Variants in NSUN6 observed in about 807,000 individuals in gnomAD.
The protein encoded by NSUN6 is NOP2/Sun RNA methyltransferase 6, also known as tRNA (cytosine(72)-C(5))-methyltransferase NSUN6.
Under a neutral mutation model 58.0 loss-of-function variants are expected in NSUN6, and 64 were observed. The observed-to-expected ratio is 1.10, with a 90% CI of 0.90 to 1.36. The LOEUF is 1.36. Among genes scored for constraint, NSUN6 ranks in the 40% most tolerant of loss-of-function variants. NSUN6 has a pLI of 0.00. For synonymous variants in NSUN6, 231 were observed against 193.9 expected (o/e 1.19, Z -1.59); for missense variants, 701 against 550.1 (o/e 1.27, Z -2.74).
chr10:18,546,090 A>C lies in NSUN6; in HGVS notation c.1253T>G (p.Leu418Trp). Reference protein sequence around the residue: ...MRGAGLSCEQLKQLQRFDPSA... With the variant: ...MRGAGLSCEQWKQLQRFDPSA... Reference sequence around the variant, plus strand: ...TGGATCAAATCGCTGCAGCTGTTTCAACTGTTCACATGAGAGCCCAGCTCC... The same window carrying C: ...TGGATCAAATCGCTGCAGCTGTTTCCACTGTTCACATGAGAGCCCAGCTCC... The change falls in exon 11 of 11, where the codon TTG becomes TGG. Residue 418 changes from leucine (L) to tryptophan (W), a missense_variant. By Grantham distance (61) the Leu-to-Trp change is moderately conservative (BLOSUM62 -2). Coordinates refer to ENST00000377304, the MANE Select transcript of NSUN6 (RefSeq NM_182543.5). 1.2e-6 allele frequency: 2 copies of C among 1,611,892 alleles called. No homozygotes were observed. Among genetic ancestry groups the C allele is most frequent in the Non-Finnish European group, 1.7e-6 (2 of 1,179,220 alleles).
chr10:18,563,743 C>A (rs116190430), intron 8 of NSUN6, among the ~76,000 whole-genome samples: 2,862 of 150,582 alleles, frequency 0.019, 81 homozygotes, highest in African/African-American at 0.064. Flanking sequence ...CATTCCATTC[C>A]ATTCTCCATA....
chr10:18,608,278 T>C lies in NSUN6; in HGVS notation c.657+1567A>G, dbSNP rs569397339. Among the ~76,000 whole-genome samples the C allele has an allele frequency of 3.3e-5, 5 of 152,066 alleles. No homozygotes were observed. In the East Asian group the frequency reaches 9.7e-4, roughly 30 times the overall value. ...ATTTTAAGGTGAAGGAGTGCAGCTATAGATAGCAAAAAAGTGTAAAAAGAA... is the reference window on the plus strand; with the variant it reads ...ATTTTAAGGTGAAGGAGTGCAGCTACAGATAGCAAAAAAGTGTAAAAAGAA... On this transcript the variant is annotated intron_variant, in intron 6 of 10. Coordinates refer to ENST00000377304, the MANE Select transcript of NSUN6 (RefSeq NM_182543.5).
upstream of NSUN6, among the ~76,000 whole-genome samples, chr10:18,657,837 C>G (rs2059794272): frequency 1.3e-5 from 2 of 152,232 alleles, no homozygotes; most frequent in East Asian, 1.9e-4. Flanking sequence ...TGGTCTCCAT[C>G]TCTTGACTTC....
chr10:18,637,545 T>C (rs1306400177), intron 3 of NSUN6, among the ~76,000 whole-genome samples: 2 of 152,230 alleles, frequency 1.3e-5, no homozygotes, highest in African/African-American at 4.8e-5. Flanking sequence ...TGAAACAAAC[T>C]GGTAAAACTT....
At chr10:18,651,664 A>G (rs948523955), upstream of NSUN6, 21 of 984,332 alleles carry the variant, frequency 2.1e-5, no homozygotes, top group Non-Finnish European at 2.3e-5. Flanking sequence ...CCTGCGGCCC[A>G]CCCCTCCCTT....
chr10:18,570,002 C>T (rs1156538569), intron 8 of NSUN6, among the ~76,000 whole-genome samples: 1 of 149,940 alleles, frequency 6.7e-6, no homozygotes, highest in Non-Finnish European at 1.5e-5. Context: ...CCATTCCATT[C>T]TCCATTGCAT....
At chr10:18,573,019 TATTCCATTCTTC>T (rs1222360436) in intron 8 of NSUN6, among the ~76,000 whole-genome samples, 21 of 147,502 alleles carry the variant, frequency 1.4e-4, no homozygotes, top group Non-Finnish European at 3.2e-4. Context: ...TTCTCCACTG[TATTCCATTCTTC>T]ATTCCATTCC....
intron 4 of NSUN6, among the ~76,000 whole-genome samples, chr10:18,615,916 T>C (rs1403655654): frequency 3.9e-5 from 6 of 152,090 alleles, no homozygotes; most frequent in Non-Finnish European, 7.4e-5. Context: ...CAGAAGTTCA[T>C]TGACGTACTC....
chr10:18,643,163 G>A (rs944016456), intron 2 of NSUN6, among the ~76,000 whole-genome samples: 1 of 151,742 alleles, frequency 6.6e-6, no homozygotes, highest in Non-Finnish European at 1.5e-5. Flanking sequence ...AACATGGTGA[G>A]TATTTATACC....
rs1260631034 is a variant in NSUN6 at position 18,548,252 on chromosome 10, G to C, written c.1072-15C>G. The C allele has an allele frequency of 1.9e-6, 3 of 1,609,200 alleles. No homozygotes were observed. In the African/African-American group the frequency reaches 4.0e-5, roughly 21 times the overall value. On this transcript the variant is annotated splice_polypyrimidine_tract_variant and intron_variant, in intron 9 of 10. Coordinates refer to ENST00000377304, the MANE Select transcript of NSUN6 (RefSeq NM_182543.5). The stretch of plus-strand genomic sequence containing the variant: ...AGCTGAACCGCCTAAAGAAAACTGT[G>C]ATCAGACCACACACAGCACAAGACC...
At chr10:18,565,933 C>T (rs2055896398) in intron 8 of NSUN6, among the ~76,000 whole-genome samples, 1 of 149,066 alleles carries the variant, frequency 6.7e-6, no homozygotes, top group African/African-American at 2.5e-5. Flanking sequence ...ATTCCATTCT[C>T]CCTCCCATTC....
chr10:18,596,549 A>G (rs1368235684), intron 6 of NSUN6, among the ~76,000 whole-genome samples: 3 of 152,168 alleles, frequency 2.0e-5, no homozygotes, highest in Non-Finnish European at 1.5e-5. Context: ...GCAAAAATAT[A>G]CATGACACAA....
At chr10:18,601,133 T>C (rs2057822983) in intron 6 of NSUN6, among the ~76,000 whole-genome samples, 1 of 151,428 alleles carries the variant, frequency 6.6e-6, no homozygotes, top group African/African-American at 2.4e-5. Context: ...ATCAGTTTTC[T>C]TAAGTTATAA....
chr10:18,619,737 C>T (rs892186897), intron 3 of NSUN6, among the ~76,000 whole-genome samples: 1 of 152,162 alleles, frequency 6.6e-6, no homozygotes, highest in African/African-American at 2.4e-5. Flanking sequence ...TAACTTTTCT[C>T]CAGGTTTGCA....
intron 3 of NSUN6, among the ~76,000 whole-genome samples, chr10:18,627,229 G>A (rs2058842661): frequency 6.6e-6 from 1 of 152,148 alleles, no homozygotes. Flanking sequence ...CAAGTAAACT[G>A]AAGAAACCAG....
chr10:18,595,553 T>C (rs531234870), intron 7 of NSUN6, among the ~76,000 whole-genome samples: 2 of 152,350 alleles, frequency 1.3e-5, no homozygotes, highest in South Asian at 4.1e-4. Flanking sequence ...TTGTATTTAA[T>C]GCATTTTTCC....
At chr10:18,655,902 C>T (rs1228176084), upstream of NSUN6, among the ~76,000 whole-genome samples, 1 of 152,002 alleles carries the variant, frequency 6.6e-6, no homozygotes, top group Non-Finnish European at 1.5e-5. Context: ...GAAGAGATGT[C>T]AATTCTCATT....
chr10:18,562,206 A>G (rs867911337), intron 8 of NSUN6, among the ~76,000 whole-genome samples: 3 of 150,464 alleles, frequency 2.0e-5, no homozygotes, highest in African/African-American at 7.4e-5. Context: ...GGAATGGAGA[A>G]TAGAATGCAA....
intron 9 of NSUN6, among the ~76,000 whole-genome samples, chr10:18,550,308 G>A (rs1306657241): frequency 3.9e-5 from 6 of 152,074 alleles, no homozygotes; most frequent in East Asian, 1.9e-4. Flanking sequence ...TGAGTTCTTC[G>A]AAGACTTCAT....
Sources: gnomAD v4.1 joint callset for allele counts (sites outside exome capture counted in the v4.1 genomes callset) on GRCh38, gnomAD v4.1.1 for gene constraint, MANE v1.5 for transcripts, NCBI Gene and HGNC (gene_info 2026-07-23, HGNC 2026-07-21) for gene names.